Variants in TMED1 observed in about 807,000 individuals in gnomAD.
TMED1 encodes transmembrane p24 trafficking protein 1, also known as transmembrane emp24 domain-containing protein 1.
A neutral mutation model predicts 21.2 loss-of-function variants in TMED1; 20 were observed. The observed-to-expected ratio is 0.95, with a 90% CI of 0.67 to 1.37. The LOEUF is 1.37. TMED1 is among the 40% of genes most tolerant of loss of function. The pLI, the probability that TMED1 is intolerant of heterozygous loss-of-function variation, is 0.00. For synonymous variants in TMED1, 149 were observed against 134.7 expected (o/e 1.11, Z -0.74); for missense variants, 316 against 309.8 (o/e 1.02, Z -0.15).
rs373694122 is a variant in TMED1 at position 10,832,932 on chromosome 19, A to G, written c.*63T>C. 5.9e-5 allele frequency: 92 copies of G among 1,570,822 alleles called. No homozygotes were observed. The African/African-American group carries it at 1.0e-3, about 17-fold the overall frequency. On this transcript the variant is annotated 3_prime_UTR_variant, in exon 4 of 4. Transcript: ENST00000214869. ...AAACTAAAATTGGGGAGGGACCCCC[A>G]AGTCTCATATGCACACACCCTGCTG...
In TMED1 at chr19:10,836,168, T is replaced by C; in HGVS notation, c.24A>G (p.Leu8=). 1.3e-6 allele frequency: 2 copies of C among 1,557,156 alleles called. No homozygotes were observed. Among genetic ancestry groups the C allele is most frequent in the Non-Finnish European group, 1.7e-6 (2 of 1,154,104 alleles). MMAAGAA[L]ALALWLLMPP... is the part of the protein sequence containing the mutation. Reference sequence around the variant, plus strand: ...GCATTAGTAGCCACAAGGCCAGGGCTAGGGCCGCGCCGGCCGCCATCATCC... The same window carrying C: ...GCATTAGTAGCCACAAGGCCAGGGCCAGGGCCGCGCCGGCCGCCATCATCC... Residue 8 remains leucine (L), a synonymous_variant, in exon 1 of 4, where the codon CTA becomes CTG. Transcript: ENST00000214869.
In TMED1 at chr19:10,834,974, T is replaced by C. The variant is rs79110360; in HGVS notation, c.425A>G (p.Glu142Gly). ...TTTAACATCCAGCATCTCCTCGGGCTCCACAGCCTCTGCCCATCCTTCGAC... is the reference window on the plus strand; with the variant it reads ...TTTAACATCCAGCATCTCCTCGGGCCCCACAGCCTCTGCCCATCCTTCGAC... The part of the protein sequence containing the change: ...EEVEGWAEAV[E>G]PEEMLDVKME... Residue 142 changes from glutamate to glycine, a missense_variant, in exon 3 of 4, where the codon GAG (glutamate) becomes GGG (glycine). Coordinates refer to ENST00000214869, the MANE Select transcript of TMED1 (RefSeq NM_006858.4). 3.7e-6 allele frequency: 6 copies of C among 1,614,034 alleles called. No homozygotes were observed. The African/African-American group carries it at 8.0e-5, about 22-fold the overall frequency.
At position 10,835,022 on chromosome 19, in the gene TMED1, T is replaced by C; in HGVS notation, c.377A>G (p.Asp126Gly). ...EKLVFFELIF[D>G]SLQDDEEVEG... is the part of the protein sequence containing the mutation. Reference sequence around the variant, plus strand: ...GACCTCCTCGTCATCCTGGAGGCTGTCAAAGATCAGTTCAAAGAACACCAG... The same window carrying C: ...GACCTCCTCGTCATCCTGGAGGCTGCCAAAGATCAGTTCAAAGAACACCAG... Residue 126 changes from aspartate to glycine, a missense_variant, in exon 3 of 4, where the codon GAC (aspartate) becomes GGC (glycine). Asp to Gly is a moderately conservative substitution (Grantham distance 94). Coordinates refer to ENST00000214869, the MANE Select transcript of TMED1 (RefSeq NM_006858.4). 6.2e-7 allele frequency: 1 copy of C among 1,614,178 alleles called. No homozygotes were observed. Among genetic ancestry groups the C allele is most frequent in the Non-Finnish European group, 8.5e-7 (1 of 1,180,032 alleles).
intron 3 of TMED1, among the ~76,000 whole-genome samples, chr19:10,834,102 G>A (rs999934759): frequency 6.6e-6 from 1 of 152,230 alleles, no homozygotes; most frequent in Non-Finnish European, 1.5e-5. Flanking sequence ...AGAGGTTGCA[G>A]TGAGCTGAGA....
In TMED1 at chr19:10,835,124, A is replaced by G. The variant is rs1385677302; in HGVS notation, c.282-7T>C. 2 of 1,612,650 alleles carry G rather than the reference A, an allele frequency of 1.2e-6. No homozygotes were observed. Among genetic ancestry groups the G allele is most frequent in the Admixed American group, 3.3e-5 (2 of 59,972 alleles). ...GGCCTCCGTTGGCTCCACCCTGGGC[A>G]GACAGACACACAGACATGACCCAGG... On this transcript the variant is annotated splice_region_variant and splice_polypyrimidine_tract_variant and intron_variant, in intron 2 of 3. Transcript: ENST00000214869.
intron 1 of TMED1, 188 bp from the exon 2 acceptor site, chr19:10,835,541 A>G: frequency 6.9e-7 from 1 of 1,446,674 alleles, no homozygotes; most frequent in Non-Finnish European, 9.1e-7. Flanking sequence ...TTGATATGAC[A>G]GCTTGGGGTC....
intron 2 of TMED1, 52 bp from the exon 3 acceptor site, chr19:10,835,169 A>G: frequency 6.2e-7 from 1 of 1,611,032 alleles, no homozygotes; most frequent in Non-Finnish European, 8.5e-7. Flanking sequence ...CAGCCGACTC[A>G]GCGGGGCAGT....
intron 3 of TMED1, 54 bp downstream of exon 3, chr19:10,834,880 C>T (rs1365908145): frequency 6.3e-7 from 1 of 1,580,428 alleles, no homozygotes; most frequent in East Asian, 2.2e-5. Flanking sequence ...GGGGGGCACC[C>T]CAGGTGAATC....
intron 1 of TMED1, chr19:10,835,703 C>T (rs997629013): frequency 7.1e-7 from 1 of 1,404,890 alleles, no homozygotes; most frequent in South Asian, 1.6e-5. Context: ...AACGCCCCCG[C>T]AGTTGACCTA....
chr19:10,834,934 C>T lies in TMED1; in HGVS notation c.465G>A (p.Lys155=), dbSNP rs2073408365. 1.2e-6 allele frequency: 2 copies of T among 1,613,428 alleles called. No homozygotes were observed. Among genetic ancestry groups the T allele is most frequent in the Non-Finnish European group, 1.7e-6 (2 of 1,179,586 alleles). ...EMLDVKMEDI[K]ESIETMRTRL... ...TGGCCCCAGCGCAGCCTGGACACAC[C>T]TTGATGTCCTCCATTTTAACATCCA... Residue 155 remains lysine (K), a splice_region_variant and synonymous_variant, in exon 3 of 4, where the codon AAG becomes AAA. Coordinates refer to ENST00000214869, the MANE Select transcript of TMED1 (RefSeq NM_006858.4).
chr19:10,834,832 G>A lies in TMED1; in HGVS notation c.465+102C>T, dbSNP rs1457686048. ...TGCTACTCTTACTATAATTCAGTTG[G>A]AGGGCACAACTACGGAGGGGAGGCT... On this transcript the variant is annotated intron_variant, in intron 3 of 3. Coordinates refer to ENST00000214869, the MANE Select transcript of TMED1 (RefSeq NM_006858.4). The A allele has an allele frequency of 1.4e-5, 18 of 1,327,400 alleles. No individual in the cohort carries two copies. The South Asian group carries it at 2.5e-4, about 18-fold the overall frequency. The allele number at this position is 1,327,400 out of a possible 1,614,324, so 82.2% of individuals were successfully genotyped here.
intron 1 of TMED1, 166 bp from the exon 2 acceptor site, chr19:10,835,519 C>T: frequency 1.4e-6 from 2 of 1,463,302 alleles, no homozygotes; most frequent in Non-Finnish European, 1.8e-6. Context: ...GCGCCCCTTG[C>T]CTCCACCCTC....
rs745902415 is a variant in TMED1, at chr19:10,833,045, C to T, written c.634G>A (p.Val212Ile). ...TGGAAGAAGCGCTTGAGCGTGCAGA[C>T]CTGCAGCACAGCCACCAGCAGCAGC... ...AVLLLVAVLQ[V>I]CTLKRFFQDK... The change falls in exon 4 of 4, where the codon GTC becomes ATC. Residue 212 changes from valine (V) to isoleucine (I), a missense_variant. Physicochemically the swap from Val to Ile is conservative, Grantham distance 29 (BLOSUM62 3). Coordinates refer to ENST00000214869, the MANE Select transcript of TMED1 (RefSeq NM_006858.4). 2 of 1,613,754 alleles carry T rather than the reference C, an allele frequency of 1.2e-6. No homozygotes were observed. The highest frequency in any genetic ancestry group is 2.7e-5 in the African/African-American group (2 of 74,956).
intron 1 of TMED1, 142 bp downstream of exon 1, chr19:10,835,867 T>C: frequency 7.3e-7 from 1 of 1,373,518 alleles, no homozygotes; most frequent in South Asian, 1.5e-5. Context: ...CCCCGCCCCA[T>C]CTGTCCATCT....
At chr19:10,833,773 G>A (rs78323580) in intron 3 of TMED1, among the ~76,000 whole-genome samples, 1 of 151,586 alleles carries the variant, frequency 6.6e-6, no homozygotes, top group Non-Finnish European at 1.5e-5. Context: ...ATTAGGCATG[G>A]TGGTGCACAC....
At position 10,832,957 on chromosome 19, in the gene TMED1, G is replaced by A; in HGVS notation, c.*38C>T. The A allele has an allele frequency of 1.2e-6, 2 of 1,601,360 alleles. No individual in the cohort carries two copies. The highest frequency in any genetic ancestry group is 1.7e-6 in the Non-Finnish European group (2 of 1,176,606). ...AAGTCTCATATGCACACACCCTGCTGCCCCTCCTTTGTCCCGTTCTTCCTT... is the reference window on the plus strand; with the variant it reads ...AAGTCTCATATGCACACACCCTGCTACCCCTCCTTTGTCCCGTTCTTCCTT... On this transcript the variant is annotated 3_prime_UTR_variant, in exon 4 of 4. Transcript: ENST00000214869.
Position 10,832,381 on chromosome 19 carries a change from C to T in TMED1, c.*614G>A. On this transcript the variant is annotated 3_prime_UTR_variant, in exon 4 of 4. Transcript: ENST00000214869. ...GCCCCTCCCACCTGTCTGGCTGCCC[C>T]CTCGGGGGCCGGTCTGTCCTGGCTG... 1 of 1,289,382 alleles carries T rather than the reference C, an allele frequency of 7.8e-7. No individual in the cohort carries two copies. Among genetic ancestry groups the T allele is most frequent in the South Asian group, 1.2e-5 (1 of 81,018 alleles). 79.9% of individuals were successfully genotyped at this position (1,289,382 alleles called of 1,614,324 possible).
At position 10,836,195 on chromosome 19, in the gene TMED1, G is replaced by C; in HGVS notation, c.-4C>G. 1.3e-6 allele frequency: 2 copies of C among 1,548,250 alleles called. No individual in the cohort carries two copies. Among genetic ancestry groups the C allele is most frequent in the Non-Finnish European group, 8.7e-7 (1 of 1,150,192 alleles). Reference sequence around the variant, plus strand: ...GGGCCGCGCCGGCCGCCATCATCCGGGTCACCCTCTGGTCTGCAAAGGGGT... The same window carrying C: ...GGGCCGCGCCGGCCGCCATCATCCGCGTCACCCTCTGGTCTGCAAAGGGGT... On this transcript the variant is annotated 5_prime_UTR_variant, in exon 1 of 4. Transcript: ENST00000214869.
At position 10,833,524 on chromosome 19, in the gene TMED1, G is replaced by T. The variant is rs1344300464; in HGVS notation, c.466-311C>A. 1.8e-5 allele frequency: 7 copies of T among 378,992 alleles called. No homozygotes were observed. In the East Asian group the frequency reaches 3.8e-4, roughly 21 times the overall value. The allele number at this position is 378,992 out of a possible 1,614,324, so 23.5% of individuals were successfully genotyped here. A position where few individuals can be genotyped will look rare whatever the true frequency, so the allele number is the denominator to read the frequency against. ...TGCCTATAATCCTAGCACTTTGGAA[G>T]GCTGAGGTGGGAGGATCGCTTGAGC... On this transcript the variant is annotated intron_variant, in intron 3 of 3. Transcript: ENST00000214869.
Sources: allele counts gnomAD v4.1 joint callset (sites outside exome capture counted in the v4.1 genomes callset), GRCh38; gene constraint gnomAD v4.1.1; transcripts MANE v1.5; gene names NCBI Gene and HGNC (gene_info 2026-07-23, HGNC 2026-07-21).